The following GLIS3 variants were observed in gnomAD, a reference collection of about 807,000 sequenced individuals.
The protein encoded by GLIS3 is GLIS family zinc finger 3.
In GLIS3, 53 loss-of-function variants were observed where a neutral mutation model predicts 78.6. The observed-to-expected ratio is 0.67, with a 90% CI of 0.54 to 0.85. GLIS3 has a LOEUF of 0.85. Among genes scored for constraint, GLIS3 ranks in the 40% least tolerant of loss-of-function variants. The pLI is 0.00. For synonymous variants in GLIS3, 684 were observed against 509.9 expected, an observed-to-expected ratio of 1.34 and a Z score of -4.60; for missense variants, 1,703 against 1,231.1, an observed-to-expected ratio of 1.38 and a Z score of -5.74.
At chr9:4,341,887 T>C (rs752060278) in intron 2 of GLIS3, among the ~76,000 whole-genome samples, 1 of 152,252 alleles carries the variant, frequency 6.6e-6, no homozygotes, top group Non-Finnish European at 1.5e-5. Context: ...GTTGACCACG[T>C]ATATGTCTTC....
chr9:4,064,843 G>T (rs1004910732), intron 4 of GLIS3, among the ~76,000 whole-genome samples: 1 of 152,142 alleles, frequency 6.6e-6, no homozygotes, highest in Non-Finnish European at 1.5e-5. Context: ...GACTAATTCG[G>T]AAGGAACAAA....
At chr9:4,207,461 A>G (rs1419466540) in intron 2 of GLIS3, among the ~76,000 whole-genome samples, 2 of 152,222 alleles carry the variant, frequency 1.3e-5, no homozygotes, top group African/African-American at 4.8e-5. Context: ...CTTTACCTCA[A>G]AATGATGCTT....
At chr9:4,126,251 G>C (rs1832568107) in intron 2 of GLIS3, among the ~76,000 whole-genome samples, 1 of 152,186 alleles carries the variant, frequency 6.6e-6, no homozygotes. Flanking sequence ...AAGGTGGTAA[G>C]TAGATGGGAT....
At chr9:4,253,616 C>T (rs1209343380) in intron 2 of GLIS3, among the ~76,000 whole-genome samples, 3 of 152,114 alleles carry the variant, frequency 2.0e-5, no homozygotes, top group Non-Finnish European at 4.4e-5. Flanking sequence ...GGTGAGTGAA[C>T]GATTCTGTCT....
the GLIS3 span, among the ~76,000 whole-genome samples, chr9:4,484,781 T>C: frequency 6.6e-6 from 1 of 152,094 alleles, no homozygotes; most frequent in African/African-American, 2.4e-5. Context: ...TAATAGCCCT[T>C]CCCAAAACTA....
chr9:3,988,769 G>C (rs1048526313), intron 4 of GLIS3, among the ~76,000 whole-genome samples: 1 of 151,806 alleles, frequency 6.6e-6, no homozygotes, highest in Non-Finnish European at 1.5e-5. Context: ...ACTCTAAATG[G>C]AATATAGACC....
chr9:4,286,100 G>A lies in GLIS3; in HGVS notation c.326C>T (p.Ser109Leu). ...CTGCTGCTTTGGCTTTAAAGTATGT[G>A]ACCCTGACATGCCTCCAGCCTGGGT... The part of the protein sequence containing the change: ...QVTQAGGMSG[S>L]HTLKPKQQEF... Residue 109 changes from serine (S) to leucine (L), a missense_variant, in exon 2 of 11, where the codon TCA becomes TTA. By Grantham distance (145) the Ser-to-Leu change is moderately radical. Transcript: ENST00000381971. 1 of 1,613,452 alleles carries A rather than the reference G, an allele frequency of 6.2e-7. No individual in the cohort carries two copies. The highest frequency in any genetic ancestry group is 8.5e-7 in the Non-Finnish European group (1 of 1,179,506).
At chr9:4,053,344 C>G (rs560605874) in intron 4 of GLIS3, among the ~76,000 whole-genome samples, 38 of 152,246 alleles carry the variant, frequency 2.5e-4, no homozygotes, top group Non-Finnish European at 4.9e-4. Flanking sequence ...AGCTCACTGA[C>G]CACCTCCTGA....
chr9:4,471,109 C>T, the GLIS3 span, among the ~76,000 whole-genome samples: 2 of 152,030 alleles, frequency 1.3e-5, no homozygotes, highest in South Asian at 2.1e-4. Flanking sequence ...TAAAAGAGGA[C>T]ACAAACAAAT....
intron 4 of GLIS3, among the ~76,000 whole-genome samples, chr9:3,984,028 G>A (rs920065185): frequency 1.6e-4 from 25 of 152,220 alleles, no homozygotes; most frequent in African/African-American, 4.6e-4. Flanking sequence ...CACAGGCCCC[G>A]AGGCCTAGGA....
chr9:4,234,141 T>C (rs568315368), intron 2 of GLIS3, among the ~76,000 whole-genome samples: 1 of 152,346 alleles, frequency 6.6e-6, no homozygotes, highest in Admixed American at 6.5e-5. Context: ...GAGGATATTT[T>C]GCTTCCATAT....
At chr9:4,113,791 T>C (rs1004510316) in intron 4 of GLIS3, among the ~76,000 whole-genome samples, 3 of 152,200 alleles carry the variant, frequency 2.0e-5, no homozygotes. Flanking sequence ...CATAATCCAA[T>C]GTTACTTAAA....
intron 4 of GLIS3, among the ~76,000 whole-genome samples, chr9:3,968,745 C>A (rs1299948585): frequency 6.6e-6 from 1 of 152,028 alleles, no homozygotes; most frequent in African/African-American, 2.4e-5. Context: ...ACTCATGTAA[C>A]CACCATAGAT....
intron 2 of GLIS3, among the ~76,000 whole-genome samples, chr9:4,165,046 T>G (rs1304654841): frequency 2.6e-5 from 4 of 152,146 alleles, no homozygotes; most frequent in Non-Finnish European, 5.9e-5. Flanking sequence ...TAGGCTGTGT[T>G]TCATCCACAC....
At chr9:4,007,805 G>C (rs1006541847) in intron 4 of GLIS3, among the ~76,000 whole-genome samples, 1 of 148,376 alleles carries the variant, frequency 6.7e-6, no homozygotes, top group Admixed American at 6.9e-5. Context: ...TGCTTTGGAA[G>C]GATCAGGACT....
At chr9:4,436,459 C>T in the GLIS3 span, among the ~76,000 whole-genome samples, 1 of 152,064 alleles carries the variant, frequency 6.6e-6, no homozygotes, top group South Asian at 2.1e-4. Context: ...ATATCACTGC[C>T]ACCATGACCC....
the GLIS3 span, among the ~76,000 whole-genome samples, chr9:4,397,664 G>A: frequency 1.2e-5 from 1 of 83,280 alleles, no homozygotes; most frequent in Non-Finnish European, 2.2e-5. Context: ...AAGGAAGGAA[G>A]GAAGGGAGGG....
At chr9:4,313,434 G>A (rs569223637) in intron 2 of GLIS3, among the ~76,000 whole-genome samples, 22 of 152,062 alleles carry the variant, frequency 1.4e-4, no homozygotes, top group African/African-American at 4.6e-4. Context: ...TTCAGAACCC[G>A]TCTCCTCCCA....
intron 4 of GLIS3, among the ~76,000 whole-genome samples, chr9:4,108,979 T>G (rs1830993100): frequency 6.6e-6 from 1 of 152,150 alleles, no homozygotes; most frequent in Non-Finnish European, 1.5e-5. Context: ...AAGTCTTCCT[T>G]TCATGCTGCC....
Sources: allele counts gnomAD v4.1 joint callset (sites outside exome capture counted in the v4.1 genomes callset), GRCh38; gene constraint gnomAD v4.1.1; transcripts MANE v1.5; gene names NCBI Gene and HGNC (gene_info 2026-07-23, HGNC 2026-07-21).